NXPH4: variants seen among roughly 807,000 people sequenced by gnomAD.
NXPH4 encodes neurexophilin-4.
In NXPH4, 8 loss-of-function variants were observed where a neutral mutation model predicts 21.3. The observed-to-expected ratio is 0.38, with a 90% CI of 0.22 to 0.68. The LOEUF is 0.68. NXPH4 is among the 30% of genes least tolerant of loss of function. The pLI is 0.53. For synonymous variants in NXPH4, 219 were observed against 192.6 expected (o/e 1.14, Z -1.13); for missense variants, 418 against 416.8 (o/e 1.00, Z -0.03).
rs566192540 is a variant in NXPH4 at position 57,225,452 on chromosome 12, C to T, written c.632C>T (p.Ala211Val). ...GPGLGGSLGG[A>V]LAGPLGGALG... Reference sequence around the variant, plus strand: ...GGGCTTGGGGGCTCCCTCGGGGGCGCACTGGCGGGGCCGCTTGGGGGCGCG... The same window carrying T: ...GGGCTTGGGGGCTCCCTCGGGGGCGTACTGGCGGGGCCGCTTGGGGGCGCG... Residue 211 changes from alanine to valine, a missense_variant, in exon 2 of 2, where the codon GCA becomes GTA. Coordinates refer to ENST00000349394, the MANE Select transcript of NXPH4 (RefSeq NM_007224.4). The T allele has an allele frequency of 2.7e-5, 44 of 1,602,978 alleles. No homozygotes were observed. Among genetic ancestry groups the T allele is most frequent in the African/African-American group, 9.3e-5 (7 of 74,914 alleles).
chr12:57,225,428 G>T lies in NXPH4; in HGVS notation c.608G>T (p.Gly203Val). Residue 203 changes from glycine to valine, a missense_variant, in exon 2 of 2, where the codon GGG (glycine) becomes GTG (valine). Transcript: ENST00000349394. ...LGMAAAAAGPGLGGSLGGALA... is the reference protein window; with the variant it reads ...LGMAAAAAGPVLGGSLGGALA... ...ATGGCAGCAGCAGCGGCGGGGCCCG[G>T]GCTTGGGGGCTCCCTCGGGGGCGCA... The T allele has an allele frequency of 6.2e-7, 1 of 1,604,144 alleles. No homozygotes were observed. Among genetic ancestry groups the T allele is most frequent in the African/African-American group, 1.3e-5 (1 of 74,948 alleles).
In NXPH4 at chr12:57,224,958, C is replaced by G. The variant is rs377450314; in HGVS notation, c.138C>G (p.Pro46=). 4 of 1,411,992 alleles carry G rather than the reference C, an allele frequency of 2.8e-6. No homozygotes were observed. The highest frequency in any genetic ancestry group is 3.7e-6 in the Non-Finnish European group (4 of 1,082,336). The allele number at this position is 1,411,992 out of a possible 1,614,324, so 87.5% of individuals were successfully genotyped here. The part of the protein sequence containing the change: ...LRPAAAGAGA[P]GQQLPEPRSS... ...CCGCCGCGGCCGGAGCGGGTGCCCC[C>G]GGCCAGCAGCTCCCAGAGCCAAGGT... is the stretch of plus-strand genomic sequence containing the variant. Residue 46 remains proline (P), a synonymous_variant, in exon 2 of 2, where the codon CCC becomes CCG. Transcript: ENST00000349394.
intron 1 of NXPH4, among the ~76,000 whole-genome samples, chr12:57,220,511 C>T (rs2037081414): frequency 1.3e-5 from 2 of 152,240 alleles, no homozygotes; most frequent in South Asian, 4.1e-4. Flanking sequence ...GTGAGCCTTG[C>T]GCGGCAGGCC....
At chr12:57,218,799 A>G (rs911705809) in intron 1 of NXPH4, among the ~76,000 whole-genome samples, 1 of 152,238 alleles carries the variant, frequency 6.6e-6, no homozygotes, top group Non-Finnish European at 1.5e-5. Flanking sequence ...GTGAATATGT[A>G]TAACTGCACG....
At position 57,225,616 on chromosome 12, in the gene NXPH4, G is replaced by T; in HGVS notation, c.796G>T (p.Ala266Ser). Residue 266 changes from alanine to serine, a missense_variant, in exon 2 of 2, where the codon GCC becomes TCC. Coordinates refer to ENST00000349394, the MANE Select transcript of NXPH4 (RefSeq NM_007224.4). ...CTTCACCGAGCACACGCAGAGCCAGGCCGCCTGGCTCTGTGCCAAGCCCTT... is the reference window on the plus strand; with the variant it reads ...CTTCACCGAGCACACGCAGAGCCAGTCCGCCTGGCTCTGTGCCAAGCCCTT... ...VCFTEHTQSQ[A>S]AWLCAKPFKV... 1 of 1,613,612 alleles carries T rather than the reference G, an allele frequency of 6.2e-7. No individual in the cohort carries two copies. Among genetic ancestry groups the T allele is most frequent in the Non-Finnish European group, 8.5e-7 (1 of 1,179,994 alleles).
In NXPH4 at chr12:57,226,174, G is replaced by A. The variant is rs1240671892; in HGVS notation, c.*427G>A. On this transcript the variant is annotated 3_prime_UTR_variant, in exon 2 of 2. Coordinates refer to ENST00000349394, the MANE Select transcript of NXPH4 (RefSeq NM_007224.4). ...CGCTTGTCCTGCTTCACCCTACCCC[G>A]CCTAAGACTGTAAAGGCCTAAAAAC... is the stretch of plus-strand genomic sequence containing the variant. 4.7e-6 allele frequency: 2 copies of A among 422,464 alleles called. No individual in the cohort carries two copies. Among genetic ancestry groups the A allele is most frequent in the Non-Finnish European group, 4.2e-6 (1 of 239,872 alleles). The allele number at this position is 422,464 out of a possible 1,614,324, so 26.2% of individuals were successfully genotyped here.
In NXPH4 at chr12:57,218,041, A is replaced by G. The variant is rs542349995; in HGVS notation, c.57+1015A>G. 3.0e-4 allele frequency among the ~76,000 whole-genome samples: 46 copies of G among 151,956 alleles called. 2 individuals are homozygous for G. Among genetic ancestry groups the G allele is most frequent in the African/African-American group, 9.9e-4 (41 of 41,396 alleles). On this transcript the variant is annotated intron_variant, in intron 1 of 1. Transcript: ENST00000349394. ...GGCCCCAGTCCCCCATTTTCCTTCT[A>G]CCAGCCTCCCCTGCCTATGGCTTCC...
chr12:57,219,673 C>T (rs978780101), intron 1 of NXPH4, among the ~76,000 whole-genome samples: 1 of 152,164 alleles, frequency 6.6e-6, no homozygotes, highest in African/African-American at 2.4e-5. Flanking sequence ...GGCTAGGGCC[C>T]AGAGCTGCTG....
In NXPH4 at chr12:57,216,854, GC is replaced by G; in HGVS notation, c.-114del. 1 of 504,970 alleles carries G rather than the reference GC, an allele frequency of 2.0e-6. No individual in the cohort carries two copies. Among genetic ancestry groups the G allele is most frequent in the Non-Finnish European group, 2.5e-6 (1 of 396,572 alleles). 31.3% of individuals were successfully genotyped at this position (504,970 alleles called of 1,614,324 possible). ...CCGCGCCGCCGCTCCCGCCGCTCCC[GC>G]CGCTCCCGCCGCTCCCGCAGCCGCC... On this transcript the variant is annotated 5_prime_UTR_variant, in exon 1 of 2. Transcript: ENST00000349394. This position sits in a 1 kb window ranked among gnomAD's most constrained non-coding sequence, Gnocchi z 5.3.
intron 1 of NXPH4, among the ~76,000 whole-genome samples, chr12:57,219,207 C>T (rs971489705): frequency 6.6e-6 from 1 of 152,068 alleles, no homozygotes; most frequent in African/African-American, 2.4e-5. Flanking sequence ...CTCTGCCTCT[C>T]CCGTCCTGCT....
intron 1 of NXPH4, chr12:57,221,546 T>C (rs574897622): frequency 5.8e-6 from 2 of 345,728 alleles, no homozygotes; most frequent in East Asian, 7.9e-5. Context: ...TCCCTGCAGG[T>C]GCGTGGGCCC....
In NXPH4 at chr12:57,225,004, G is replaced by C; in HGVS notation, c.184G>C (p.Gly62Arg). 1 of 1,495,760 alleles carries C rather than the reference G, an allele frequency of 6.7e-7. No individual in the cohort carries two copies. The highest frequency in any genetic ancestry group is 1.4e-5 in the African/African-American group (1 of 69,888). 92.7% of individuals were successfully genotyped at this position (1,495,760 alleles called of 1,614,324 possible). The change falls in exon 2 of 2, where the codon GGC (glycine) becomes CGC (arginine). Residue 62 changes from glycine (G) to arginine (R), a missense_variant. By Grantham distance (125) the Gly-to-Arg change is moderately radical. Transcript: ENST00000349394. Reference sequence around the variant, plus strand: ...AAGGTCTTCGGACGGCCTAGGCGTGGGCCGCGCCTGGAGCTGGGCCTGGCC... The same window carrying C: ...AAGGTCTTCGGACGGCCTAGGCGTGCGCCGCGCCTGGAGCTGGGCCTGGCC... ...EPRSSDGLGV[G>R]RAWSWAWPTN...
At chr12:57,222,988 G>C (rs1259518148) in intron 1 of NXPH4, among the ~76,000 whole-genome samples, 1 of 152,158 alleles carries the variant, frequency 6.6e-6, no homozygotes, top group Non-Finnish European at 1.5e-5. Context: ...CAGTGACACT[G>C]TGTGTGTACA....
intron 1 of NXPH4, among the ~76,000 whole-genome samples, chr12:57,224,635 G>C (rs181971945): frequency 0.012 from 1,866 of 152,274 alleles, 21 homozygotes; most frequent in Non-Finnish European, 0.017. Context: ...GCCACATCAG[G>C]ATTCTTGACG....
Position 57,226,434 on chromosome 12 carries a change from A to G in NXPH4, c.*687A>G, listed in dbSNP as rs2037150627. 1 of 156,496 alleles carries G rather than the reference A, an allele frequency of 6.4e-6. No individual in the cohort carries two copies. The highest frequency in any genetic ancestry group is 1.4e-5 in the Non-Finnish European group (1 of 70,878). 9.7% of individuals were successfully genotyped at this position (156,496 alleles called of 1,614,324 possible). ...ACAGACGGGAAAGGGAACAAAATAAAGTGAAATCCAATACACGCCTGTGTG... is the reference window on the plus strand; with the variant it reads ...ACAGACGGGAAAGGGAACAAAATAAGGTGAAATCCAATACACGCCTGTGTG... On this transcript the variant is annotated 3_prime_UTR_variant, in exon 2 of 2. Transcript: ENST00000349394.
Position 57,225,048 on chromosome 12 carries a change from G to T in NXPH4, c.228G>T (p.Ala76=), listed in dbSNP as rs748896571. 2.0e-6 allele frequency: 3 copies of T among 1,474,628 alleles called. No homozygotes were observed. The highest frequency in any genetic ancestry group is 1.8e-6 in the Non-Finnish European group (2 of 1,111,016). 91.3% of individuals were successfully genotyped at this position (1,474,628 alleles called of 1,614,324 possible). A position where few individuals can be genotyped will look rare whatever the true frequency, so the allele number is the denominator to read the frequency against. The change falls in exon 2 of 2, where the codon GCG becomes GCT. Residue 76 remains alanine, a synonymous_variant. Transcript: ENST00000349394. ...CCTGGCCGACCAACCACACGGGGGC[G>T]CTGGCCCGGGCAGGGGCAGCCGGGG... ...SWAWPTNHTG[A]LARAGAAGAL...
In NXPH4 at chr12:57,225,930, C is replaced by G; in HGVS notation, c.*183C>G. 1 of 1,435,610 alleles carries G rather than the reference C, an allele frequency of 7.0e-7. No homozygotes were observed. Among genetic ancestry groups the G allele is most frequent in the Non-Finnish European group, 9.1e-7 (1 of 1,099,656 alleles). The allele number at this position is 1,435,610 out of a possible 1,614,324, so 88.9% of individuals were successfully genotyped here. A position where few individuals can be genotyped will look rare whatever the true frequency, so the allele number is the denominator to read the frequency against. ...GTGCCCTTTTCCTTATGCGGAGTGC[C>G]CGCAAGGCTGGGGTAGCCCCCTCCA... On this transcript the variant is annotated 3_prime_UTR_variant, in exon 2 of 2. Transcript: ENST00000349394.
At position 57,225,548 on chromosome 12, in the gene NXPH4, C is replaced by T. The variant is rs913267911; in HGVS notation, c.728C>T (p.Ala243Val). Residue 243 changes from alanine to valine, a missense_variant, in exon 2 of 2, where the codon GCG becomes GTG. Physicochemically the swap from Ala to Val is moderately conservative, Grantham distance 64. Coordinates refer to ENST00000349394, the MANE Select transcript of NXPH4 (RefSeq NM_007224.4). ...GTGGAGTATGAGAAGACAAACCGCGCGCGCAAGCACCGACCGTGCCTGTAC... is the reference window on the plus strand; with the variant it reads ...GTGGAGTATGAGAAGACAAACCGCGTGCGCAAGCACCGACCGTGCCTGTAC... ...CHVEYEKTNR[A>V]RKHRPCLYDP... is the part of the protein sequence containing the mutation. 1 of 1,613,136 alleles carries T rather than the reference C, an allele frequency of 6.2e-7. No homozygotes were observed.
intron 1 of NXPH4, among the ~76,000 whole-genome samples, chr12:57,220,290 G>GCTT (rs1467113686): frequency 1.3e-5 from 2 of 152,080 alleles, no homozygotes; most frequent in African/African-American, 4.8e-5. Context: ...TCCGGCTCCG[G>GCTT]CTTCGGGAAA....
Sources: allele counts gnomAD v4.1 joint callset (sites outside exome capture counted in the v4.1 genomes callset), GRCh38; gene constraint gnomAD v4.1.1; non-coding constraint Gnocchi (gnomAD v3.1); transcripts MANE v1.5; gene names NCBI Gene and HGNC (gene_info 2026-07-23, HGNC 2026-07-21).